Variants in PCNX1 observed in about 807,000 individuals in gnomAD.
PCNX1 encodes pecanex 1, also known as pecanex-like protein 1.
A neutral mutation model predicts 242.2 loss-of-function variants in PCNX1; 78 were observed. The ratio of observed to expected loss-of-function variants is 0.32; its 90% CI spans 0.27 to 0.39. The LOEUF (loss-of-function observed/expected upper bound fraction) is 0.39, where lower values mean the gene tolerates loss of function less well. Among genes scored for constraint, PCNX1 ranks in the 10% least tolerant of loss-of-function variants. PCNX1 has a pLI of 1.00. For synonymous variants in PCNX1, 1,024 were observed against 1,032.9 expected (o/e 0.99, Z 0.17); for missense variants, 2,581 against 2,856.5 (o/e 0.90, Z 2.20).
At chr14:70,943,727 A>T (rs970973053) in intron 1 of PCNX1, among the ~76,000 whole-genome samples, 2 of 152,180 alleles carry the variant, frequency 1.3e-5, no homozygotes, top group African/African-American at 2.4e-5. Flanking sequence ...AGAGGTCTTC[A>T]CGGCAGCCCC....
chr14:71,109,847 T>C lies in PCNX1; in HGVS notation c.6938T>C (p.Ile2313Thr), dbSNP rs1406318017. 1.4e-5 allele frequency: 23 copies of C among 1,612,802 alleles called. No homozygotes were observed. Among genetic ancestry groups the C allele is most frequent in the Non-Finnish European group, 1.9e-5 (22 of 1,178,980 alleles). Residue 2313 changes from isoleucine (I) to threonine (T), a missense_variant, in exon 36 of 36, where the codon ATC becomes ACC. Physicochemically the swap from Ile to Thr is moderately conservative, Grantham distance 89. Transcript: ENST00000304743. The part of the protein sequence containing the change: ...CSRDPGTRSH[I>T]DKAVLLVQID... ...AGAGATCCAGGTACCAGATCCCACA[T>C]CGACAAGGCAGTGCTTCTGGTCCAG...
At position 70,988,480 on chromosome 14, in the gene PCNX1, G is replaced by A. The variant is rs1366559868; in HGVS notation, c.2312-87G>A. On this transcript the variant is annotated intron_variant, in intron 6 of 35. Transcript: ENST00000304743. ...TTAATAAGTTCACTTTACCCATGAG[G>A]GTGGGAAGTCAAGGGAAAGCCAGGC... 4 of 1,378,304 alleles carry A rather than the reference G, an allele frequency of 2.9e-6. No homozygotes were observed. In the African/African-American group the frequency reaches 5.7e-5, roughly 20 times the overall value. The allele number at this position is 1,378,304 out of a possible 1,614,324, so 85.4% of individuals were successfully genotyped here.
chr14:71,047,100 T>A lies in PCNX1; in HGVS notation c.4155T>A (p.Asn1385Lys), dbSNP rs773892139. 1 of 1,598,112 alleles carries A rather than the reference T, an allele frequency of 6.3e-7. No homozygotes were observed. Among genetic ancestry groups the A allele is most frequent in the Non-Finnish European group, 8.6e-7 (1 of 1,168,186 alleles). ...AETIASPKKLNTELGALMITV... is the reference protein window; with the variant it reads ...AETIASPKKLKTELGALMITV... ...CAATTGCTAGTCCAAAGAAACTGAATACAGAGTAAGTATAGTAGTCTTCTA... is the reference window on the plus strand; with the variant it reads ...CAATTGCTAGTCCAAAGAAACTGAAAACAGAGTAAGTATAGTAGTCTTCTA... Residue 1385 changes from asparagine to lysine, a missense_variant, in exon 21 of 36, where the codon AAT (asparagine) becomes AAA (lysine). This residue lies in a region of PCNX1 where 432 missense variants were observed against 443.1 expected (regional missense o/e 0.97). Coordinates refer to ENST00000304743, the MANE Select transcript of PCNX1 (RefSeq NM_014982.3).
Position 71,109,785 on chromosome 14 carries a change from G to GA in PCNX1, c.6886-8dup, listed in dbSNP as rs755651113. On this transcript the variant is annotated splice_polypyrimidine_tract_variant and intron_variant, in intron 35 of 35. Transcript: ENST00000304743. ...CAGTGCTAACTTCTTGTTTTATTCTGAATCATTAGGTGATTCACCGATGGG... is the reference window on the plus strand; with the variant it reads ...CAGTGCTAACTTCTTGTTTTATTCTGAAATCATTAGGTGATTCACCGATGGG... The GA allele has an allele frequency of 6.2e-7, 1 of 1,613,630 alleles. No homozygotes were observed. The highest frequency in any genetic ancestry group is 8.5e-7 in the Non-Finnish European group (1 of 1,179,662).
rs188266774 is a variant in PCNX1 at position 70,938,998 on chromosome 14, C to T, written c.154-7917C>T. Among the ~76,000 whole-genome samples, 548 of 152,044 alleles carry T rather than the reference C, an allele frequency of 3.6e-3. 3 individuals are homozygous for T. The highest frequency in any genetic ancestry group is 3.2e-3 in the Non-Finnish European group (218 of 67,950). On this transcript the variant is annotated intron_variant, in intron 1 of 35. Transcript: ENST00000304743. ...ACATCCCCTTTATCATTTTTTATTG[C>T]GTCTATTTGATTCTTCTGTCTTTTC...
At chr14:70,926,699 G>A (rs2056606088) in intron 1 of PCNX1, among the ~76,000 whole-genome samples, 1 of 151,692 alleles carries the variant, frequency 6.6e-6, no homozygotes, top group African/African-American at 2.4e-5. Context: ...TGTTCTCAGT[G>A]GGTGTGGTGT....
At chr14:71,015,376 G>A (rs1314196781) in intron 11 of PCNX1, among the ~76,000 whole-genome samples, 1 of 152,146 alleles carries the variant, frequency 6.6e-6, no homozygotes, top group East Asian at 1.9e-4. Context: ...TGCTTCGTGT[G>A]GTTTATAACA....
At chr14:70,956,695 A>T (rs965629529) in intron 2 of PCNX1, among the ~76,000 whole-genome samples, 1 of 152,178 alleles carries the variant, frequency 6.6e-6, no homozygotes, top group Non-Finnish European at 1.5e-5. Context: ...GGAAATAAAG[A>T]AAGAACAGAT....
rs150727851 is a variant in PCNX1 at position 71,109,897 on chromosome 14, A to G, written c.6988A>G (p.Ile2330Val). 1.4e-5 allele frequency: 22 copies of G among 1,613,340 alleles called. No homozygotes were observed. Among genetic ancestry groups the G allele is most frequent in the Non-Finnish European group, 1.9e-5 (22 of 1,179,364 alleles). Residue 2330 changes from isoleucine to valine, a missense_variant, in exon 36 of 36, where the codon ATT becomes GTT. This residue lies in a region of PCNX1 where 432 missense variants were observed against 433.6 expected (regional missense o/e 1.00). Transcript: ENST00000304743. Reference protein sequence around the residue: ...VQIDDKYVTVIETGVLELGAE... With the variant: ...VQIDDKYVTVVETGVLELGAE... ...GATTGATGATAAATATGTGACTGTA[A>G]TTGAAACTGGGGTACTAGAACTTGG...
At chr14:71,084,616 T>G (rs577975815) in intron 28 of PCNX1, among the ~76,000 whole-genome samples, 2 of 152,310 alleles carry the variant, frequency 1.3e-5, no homozygotes, top group Non-Finnish European at 2.9e-5. Context: ...TCTGCCTGGT[T>G]CAAACTTCCT....
chr14:71,081,808 C>T (rs1041637900), intron 28 of PCNX1, among the ~76,000 whole-genome samples: 1 of 152,090 alleles, frequency 6.6e-6, no homozygotes, highest in African/African-American at 2.4e-5. Flanking sequence ...TTCAAAAAAC[C>T]AGCTCCTGGA....
intron 1 of PCNX1, among the ~76,000 whole-genome samples, chr14:70,932,968 A>T (rs1011411812): frequency 1.3e-5 from 2 of 152,192 alleles, no homozygotes; most frequent in African/African-American, 4.8e-5. Flanking sequence ...ATTTTTTACA[A>T]TAATCCTAAA....
intron 6 of PCNX1, among the ~76,000 whole-genome samples, chr14:70,987,990 C>G (rs886909073): frequency 6.6e-6 from 1 of 152,250 alleles, no homozygotes; most frequent in Non-Finnish European, 1.5e-5. Context: ...AAAATATATT[C>G]ATGCTATGTT....
At chr14:71,085,651 C>CA (rs2061969626) in intron 28 of PCNX1, 1 of 160,574 alleles carries the variant, frequency 6.2e-6, no homozygotes, top group Admixed American at 6.5e-5. Flanking sequence ...TCAAAATTCT[C>CA]AAAGTCTATA....
chr14:71,091,268 A>G (rs957433249), intron 30 of PCNX1, among the ~76,000 whole-genome samples: 12 of 152,204 alleles, frequency 7.9e-5, no homozygotes, highest in Non-Finnish European at 1.2e-4. Flanking sequence ...AGGCAGGAAA[A>G]TCTAGGTGTG....
In PCNX1 at chr14:71,013,039, T is replaced by C. The variant is rs749977234; in HGVS notation, c.2833T>C (p.Leu945=). 12 of 1,614,008 alleles carry C rather than the reference T, an allele frequency of 7.4e-6. No homozygotes were observed. The highest frequency in any genetic ancestry group is 5.5e-5 in the South Asian group (5 of 91,090). The change falls in exon 11 of 36, where the codon TTG becomes CTG. Residue 945 remains leucine, a synonymous_variant. Coordinates refer to ENST00000304743, the MANE Select transcript of PCNX1 (RefSeq NM_014982.3). The part of the protein sequence containing the change: ...NRLLTIDTDL[L]EQQDIDLSPD... Reference sequence around the variant, plus strand: ...ACTATTGACCATTGATACAGATTTGTTGGAGCAACAGGACATTGATCTAAG... The same window carrying C: ...ACTATTGACCATTGATACAGATTTGCTGGAGCAACAGGACATTGATCTAAG...
chr14:71,113,841 GC>G lies in PCNX1; in HGVS notation c.*3908del. The G allele has an allele frequency of 1.3e-5, 2 of 152,214 alleles. No homozygotes were observed. The highest frequency in any genetic ancestry group is 4.1e-4 in the South Asian group (2 of 4,822). The allele number at this position is 152,214 out of a possible 1,614,324, so 9.4% of individuals were successfully genotyped here. On this transcript the variant is annotated 3_prime_UTR_variant, in exon 36 of 36. Coordinates refer to ENST00000304743, the MANE Select transcript of PCNX1 (RefSeq NM_014982.3). ...TTAATTTGTCATGAATATGGACAAA[GC>G]CTTTTCTGGGGTGTGTGTGTGTGTG...
intron 26 of PCNX1, among the ~76,000 whole-genome samples, chr14:71,063,910 T>C (rs1317764847): frequency 6.6e-6 from 1 of 152,178 alleles, no homozygotes; most frequent in East Asian, 1.9e-4. Flanking sequence ...TTATCAGTCA[T>C]TTTTTGTCTA....
chr14:71,106,201 T>C (rs1234694738), intron 33 of PCNX1, among the ~76,000 whole-genome samples: 1 of 151,612 alleles, frequency 6.6e-6, no homozygotes, highest in Non-Finnish European at 1.5e-5. Flanking sequence ...GTATTTTTCG[T>C]AGAGACGAGG....
Sources: allele counts gnomAD v4.1 joint callset (sites outside exome capture counted in the v4.1 genomes callset), GRCh38; gene constraint gnomAD v4.1.1; regional missense constraint gnomAD v4.1.1; transcripts MANE v1.5; gene names NCBI Gene and HGNC (gene_info 2026-07-23, HGNC 2026-07-21).